DTNA: variants seen among roughly 807,000 people sequenced by gnomAD.
DTNA encodes dystrophin-related protein 3.
In DTNA, 43 loss-of-function variants were observed where a neutral mutation model predicts 100.7. The observed-to-expected ratio is 0.43, with a 90% confidence interval of 0.33 to 0.55. The LOEUF (loss-of-function observed/expected upper bound fraction) is 0.55. Ranked by LOEUF, DTNA falls within the 20% of genes least tolerant of loss-of-function variation. The pLI is 0.04. For missense variants in DTNA, 798 were observed against 953.9 expected, an observed-to-expected ratio of 0.84 and a Z score of 2.15; for synonymous variants, 349 against 347.9, an observed-to-expected ratio of 1.00 and a Z score of -0.04.
At chr18:34,551,387 G>T (rs1472713975) in intron 1 of DTNA, among the ~76,000 whole-genome samples, 2 of 152,070 alleles carry the variant, frequency 1.3e-5, no homozygotes, top group Non-Finnish European at 2.9e-5. Flanking sequence ...GCTTACCTAG[G>T]CTATTGCAGC....
At chr18:34,625,628 T>A (rs995775946) in intron 1 of DTNA, among the ~76,000 whole-genome samples, 11 of 152,208 alleles carry the variant, frequency 7.2e-5, no homozygotes, top group African/African-American at 2.4e-4. Flanking sequence ...TACACTTATA[T>A]ATACACAAAA....
intron 6 of DTNA, among the ~76,000 whole-genome samples, chr18:34,814,550 G>A (rs973943468): frequency 5.3e-5 from 8 of 152,072 alleles, no homozygotes; most frequent in African/African-American, 1.9e-4. Context: ...CAATTAGCCA[G>A]GTGTGGTGGC....
intron 1 of DTNA, among the ~76,000 whole-genome samples, chr18:34,500,250 A>G (rs2039747122): frequency 6.6e-6 from 1 of 152,084 alleles, no homozygotes; most frequent in South Asian, 2.1e-4. Context: ...AGGTTTTGGG[A>G]TTAAGTCTGG....
intron 1 of DTNA, among the ~76,000 whole-genome samples, chr18:34,693,674 C>G (rs539419561): frequency 1.2e-4 from 18 of 151,972 alleles, no homozygotes; most frequent in Admixed American, 3.9e-4. Flanking sequence ...AACTTTCCTA[C>G]GAGCTGGTCA....
chr18:34,549,084 CT>C (rs942214108), intron 1 of DTNA, among the ~76,000 whole-genome samples: 1 of 152,078 alleles, frequency 6.6e-6, no homozygotes, highest in African/African-American at 2.4e-5. Flanking sequence ...TCTAGAGCTC[CT>C]GCCTCCTGGT....
chr18:34,689,760 C>A lies in DTNA; in HGVS notation c.-1-66216C>A, dbSNP rs147905841. ...CTGCGCCCACAGCTGCCCCCTCCCC[C>A]AGGTGCTCTGTTCCAGGGAGATGGG... is the stretch of plus-strand genomic sequence containing the variant. On this transcript the variant is annotated intron_variant, in intron 1 of 19. Coordinates refer to the DTNA transcript ENST00000283365. Among the ~76,000 whole-genome samples, 1,272 of 152,314 alleles carry A rather than the reference C, an allele frequency of 8.4e-3. 13 individuals carry two copies. The highest frequency in any genetic ancestry group is 0.012 in the Non-Finnish European group (815 of 68,024).
chr18:34,745,366 A>G (rs550666572), intron 1 of DTNA, among the ~76,000 whole-genome samples: 96 of 152,320 alleles, frequency 6.3e-4, no homozygotes, highest in African/African-American at 2.2e-3. Flanking sequence ...CAATTAGCCC[A>G]TGGCCATTAG....
chr18:34,849,327 C>A (rs2096439461), intron 14 of DTNA, among the ~76,000 whole-genome samples: 1 of 152,154 alleles, frequency 6.6e-6, no homozygotes, highest in African/African-American at 2.4e-5. Context: ...AAAGGCAAAA[C>A]AAGGTTTTTG....
intron 1 of DTNA, among the ~76,000 whole-genome samples, chr18:34,547,488 G>T (rs910373068): frequency 2.6e-5 from 4 of 152,114 alleles, no homozygotes; most frequent in Admixed American, 2.0e-4. Context: ...GTCTTACAGG[G>T]TGGGAATTAC....
chr18:34,592,716 T>A (rs1177023518), intron 1 of DTNA, among the ~76,000 whole-genome samples: 2 of 152,052 alleles, frequency 1.3e-5, no homozygotes, highest in East Asian at 3.9e-4. Context: ...GATGATTTCC[T>A]CTTCTAACGG....
intron 9 of DTNA, among the ~76,000 whole-genome samples, chr18:34,827,143 T>C (rs2095876587): frequency 6.6e-6 from 1 of 152,210 alleles, no homozygotes; most frequent in Non-Finnish European, 1.5e-5. Context: ...AGACCAGGCA[T>C]GTTGGAGAGG....
At chr18:34,732,307 C>T (rs933593349) in intron 1 of DTNA, among the ~76,000 whole-genome samples, 2 of 152,166 alleles carry the variant, frequency 1.3e-5, no homozygotes, top group African/African-American at 4.8e-5. Flanking sequence ...GGACAATGTG[C>T]TCTGTGCTGT....
intron 4 of DTNA, among the ~76,000 whole-genome samples, chr18:34,802,039 C>G (rs574876806): frequency 3.3e-5 from 5 of 152,336 alleles, no homozygotes; most frequent in Admixed American, 1.3e-4. Context: ...TCAAACACAT[C>G]TGGCTCTTTT....
At chr18:34,589,759 T>C (rs1257213874) in intron 1 of DTNA, among the ~76,000 whole-genome samples, 1 of 152,232 alleles carries the variant, frequency 6.6e-6, no homozygotes, top group East Asian at 1.9e-4. Flanking sequence ...CCTTTTGATC[T>C]ATATCTTCCC....
intron 17 of DTNA, chr18:34,867,425 A>T: frequency 8.1e-7 from 1 of 1,226,996 alleles, no homozygotes; most frequent in South Asian, 4.3e-5. Context: ...GACACATAAC[A>T]CATACAGCCT....
chr18:34,606,175 A>G (rs2053054985), intron 1 of DTNA, among the ~76,000 whole-genome samples: 1 of 152,120 alleles, frequency 6.6e-6, no homozygotes, highest in Non-Finnish European at 1.5e-5. Flanking sequence ...ATTTGCATGC[A>G]TTATTTTGAC....
chr18:34,553,639 C>A (rs2045698838), intron 1 of DTNA, among the ~76,000 whole-genome samples: 1 of 152,000 alleles, frequency 6.6e-6, no homozygotes, highest in African/African-American at 2.4e-5. Flanking sequence ...AATAGGGAAT[C>A]CTTTCCCTAT....
chr18:34,678,890 A>C (rs1450972185), intron 1 of DTNA, among the ~76,000 whole-genome samples: 1 of 152,208 alleles, frequency 6.6e-6, no homozygotes, highest in Non-Finnish European at 1.5e-5. Context: ...TTACTACACA[A>C]CATAATTATA....
intron 1 of DTNA, among the ~76,000 whole-genome samples, chr18:34,674,230 C>T (rs1235952932): frequency 6.6e-6 from 1 of 152,186 alleles, no homozygotes; most frequent in Non-Finnish European, 1.5e-5. Flanking sequence ...TGATCTTGCC[C>T]TTCCGCAAAG....
Sources: gnomAD v4.1 joint callset for allele counts (sites outside exome capture counted in the v4.1 genomes callset) on GRCh38, gnomAD v4.1.1 for gene constraint, MANE v1.5 for transcripts, NCBI Gene and HGNC (gene_info 2026-07-23, HGNC 2026-07-21) for gene names.